Variants in OSBPL8 observed in about 807,000 individuals in gnomAD.
OSBPL8 encodes oxysterol-binding protein-related protein 8.
In OSBPL8, 59 loss-of-function variants were observed where a neutral mutation model predicts 125.5. That is an observed-to-expected ratio of 0.47 (90% CI 0.38 to 0.58). The LOEUF is 0.58. OSBPL8 is among the 20% of genes least tolerant of loss of function. The pLI, the probability that OSBPL8 is intolerant of heterozygous loss-of-function variation, is 0.00. For missense variants in OSBPL8, 758 were observed against 1,047.8 expected, an observed-to-expected ratio of 0.72 and a Z score of 3.82; for synonymous variants, 330 against 338.9, an observed-to-expected ratio of 0.97 and a Z score of 0.29.
chr12:76,386,572 T>C lies in OSBPL8; in HGVS notation c.1434+7A>G, dbSNP rs754650314. 4 of 1,580,218 alleles carry C rather than the reference T, an allele frequency of 2.5e-6. No homozygotes were observed. The East Asian group carries it at 6.8e-5, about 27-fold the overall frequency. On this transcript the variant is annotated splice_region_variant and intron_variant, in intron 13 of 23. Transcript: ENST00000261183. ...AAAGACAATAAAATGTAAACAAACA[T>C]TATTACCTTTGGCTTTTTATAGAAT... is the stretch of plus-strand genomic sequence containing the variant.
At chr12:76,428,283 C>T (rs1870396316) in intron 4 of OSBPL8, among the ~76,000 whole-genome samples, 1 of 151,818 alleles carries the variant, frequency 6.6e-6, no homozygotes, top group Admixed American at 6.6e-5. Flanking sequence ...AGAAAATGCC[C>T]AGCCTACATT....
chr12:76,388,216 C>A (rs1953401300), intron 12 of OSBPL8, among the ~76,000 whole-genome samples: 1 of 152,162 alleles, frequency 6.6e-6, no homozygotes, highest in Non-Finnish European at 1.5e-5. Flanking sequence ...CTGCAACAAT[C>A]TTGTATATAT....
At chr12:76,419,332 A>G (rs1869169598) in intron 4 of OSBPL8, among the ~76,000 whole-genome samples, 1 of 152,226 alleles carries the variant, frequency 6.6e-6, no homozygotes, top group Admixed American at 6.5e-5. Context: ...TAGGGATAAA[A>G]ACATGAAAAG....
intron 1 of OSBPL8, among the ~76,000 whole-genome samples, chr12:76,540,543 TAGA>T (rs1950612382): frequency 6.6e-6 from 1 of 151,052 alleles, no homozygotes; most frequent in South Asian, 2.1e-4. Flanking sequence ...GAGAGAAATC[TAGA>T]AGAATAACAC....
At chr12:76,549,046 G>A (rs1950864775) in intron 1 of OSBPL8, among the ~76,000 whole-genome samples, 1 of 151,706 alleles carries the variant, frequency 6.6e-6, no homozygotes, top group Non-Finnish European at 1.5e-5. Context: ...AAAAGAAAAA[G>A]AGAACAACAA....
intron 4 of OSBPL8, among the ~76,000 whole-genome samples, chr12:76,424,566 A>G (rs138975727): frequency 5.9e-4 from 90 of 152,340 alleles, no homozygotes; most frequent in Non-Finnish European, 1.0e-3. Context: ...TTATGCTAGT[A>G]TAATAGTTAA....
Position 76,369,787 on chromosome 12 carries a change from T to C in OSBPL8, c.2090A>G (p.Lys697Arg). 6.2e-7 allele frequency: 1 copy of C among 1,613,492 alleles called. No homozygotes were observed. Among genetic ancestry groups the C allele is most frequent in the African/African-American group, 1.3e-5 (1 of 75,004 alleles). ...WQRVTRAINA[K>R]DQTEATQEKY... ...CTCTTGGGTAGCTTCAGTTTGGTCT[T>C]TGGCATTTATGGCTCGAGTTACCCG... The change falls in exon 20 of 24, where the codon AAA becomes AGA. Residue 697 changes from lysine to arginine, a missense_variant. Around this residue, in one of 3 missense-constraint regions of OSBPL8, gnomAD observed 572 missense variants for 762.0 expected, o/e 0.75. Transcript: ENST00000261183.
At chr12:76,432,690 T>A (rs888583773) in intron 4 of OSBPL8, among the ~76,000 whole-genome samples, 4 of 151,568 alleles carry the variant, frequency 2.6e-5, no homozygotes, top group Non-Finnish European at 5.9e-5. Flanking sequence ...AGAATAAAAA[T>A]TAGAGCAGAA....
rs1428967968 is a variant in OSBPL8, at chr12:76,353,764, T to A, written c.*2125A>T. 1 of 152,434 alleles carries A rather than the reference T, an allele frequency of 6.6e-6. No homozygotes were observed. 9.4% of individuals were successfully genotyped at this position (152,434 alleles called of 1,614,324 possible). Reference sequence around the variant, plus strand: ...AGATTAGATGCATGCTTTTAGTGTATAAAGAACAGTCATGAATAACTCTGC... The same window carrying A: ...AGATTAGATGCATGCTTTTAGTGTAAAAAGAACAGTCATGAATAACTCTGC... On this transcript the variant is annotated 3_prime_UTR_variant, in exon 24 of 24. Coordinates refer to ENST00000261183, the MANE Select transcript of OSBPL8 (RefSeq NM_020841.5).
At chr12:76,497,921 G>A (rs1374136979) in intron 1 of OSBPL8, among the ~76,000 whole-genome samples, 1 of 152,116 alleles carries the variant, frequency 6.6e-6, no homozygotes, top group Non-Finnish European at 1.5e-5. Context: ...AATTTATATA[G>A]ATTGTTTTTG....
intron 1 of OSBPL8, among the ~76,000 whole-genome samples, chr12:76,512,693 T>A (rs529572787): frequency 2.0e-5 from 3 of 152,342 alleles, no homozygotes; most frequent in African/African-American, 7.2e-5. Context: ...ACATGAATTT[T>A]AAAATAGTTT....
At chr12:76,487,827 T>C (rs1409860066) in intron 1 of OSBPL8, among the ~76,000 whole-genome samples, 4 of 151,570 alleles carry the variant, frequency 2.6e-5, no homozygotes, top group African/African-American at 9.7e-5. Flanking sequence ...TGAAGAAAAA[T>C]AGTAAGAGCA....
chr12:76,407,583 T>C (rs984933357), intron 5 of OSBPL8, among the ~76,000 whole-genome samples: 3 of 152,198 alleles, frequency 2.0e-5, no homozygotes, highest in African/African-American at 4.8e-5. Context: ...GTAGCAACTA[T>C]AGACATCTTA....
intron 2 of OSBPL8, among the ~76,000 whole-genome samples, chr12:76,481,310 A>T (rs1181671226): frequency 6.6e-6 from 1 of 152,258 alleles, no homozygotes; most frequent in Admixed American, 6.5e-5. Flanking sequence ...GCTATTGTAC[A>T]ACAATACTTT....
chr12:76,438,712 T>A (rs1871805150), intron 4 of OSBPL8, among the ~76,000 whole-genome samples: 1 of 152,170 alleles, frequency 6.6e-6, no homozygotes, highest in South Asian at 2.1e-4. Flanking sequence ...TTCAAATATG[T>A]TTTCTTTATT....
intron 15 of OSBPL8, among the ~76,000 whole-genome samples, chr12:76,379,138 TAATAA>T (rs1479416923): frequency 6.6e-6 from 1 of 152,178 alleles, no homozygotes; most frequent in Admixed American, 6.5e-5. Flanking sequence ...TACTTAATCT[TAATAA>T]AACACTGTTT....
intron 1 of OSBPL8, among the ~76,000 whole-genome samples, chr12:76,554,547 A>G (rs1951039165): frequency 6.6e-6 from 1 of 152,180 alleles, no homozygotes; most frequent in African/African-American, 2.4e-5. Context: ...TCAGTTGCTC[A>G]GGTTTAAAAA....
chr12:76,474,650 GT>G (rs1175097914), intron 2 of OSBPL8, among the ~76,000 whole-genome samples: 1 of 151,900 alleles, frequency 6.6e-6, no homozygotes, highest in Non-Finnish European at 1.5e-5. Context: ...ACTGGCTAAT[GT>G]TTTTTATTAT....
intron 4 of OSBPL8, among the ~76,000 whole-genome samples, chr12:76,427,602 T>G (rs984994153): frequency 1.3e-5 from 2 of 152,034 alleles, no homozygotes; most frequent in African/African-American, 4.8e-5. Context: ...TCTAGATTAT[T>G]CTAAAAAGCT....
Sources: allele counts gnomAD v4.1 joint callset (sites outside exome capture counted in the v4.1 genomes callset), GRCh38; gene constraint gnomAD v4.1.1; regional missense constraint gnomAD v4.1.1; transcripts MANE v1.5; gene names NCBI Gene and HGNC (gene_info 2026-07-23, HGNC 2026-07-21).